Variants in EPB41L4A observed in about 807,000 individuals in gnomAD.
EPB41L4A encodes erythrocyte membrane protein band 4.1 like 4A.
A neutral mutation model predicts 108.6 loss-of-function variants in EPB41L4A; 100 were observed. The observed-to-expected ratio is 0.92, with a 90% CI of 0.78 to 1.09. EPB41L4A has a LOEUF of 1.09. Among genes scored for constraint, EPB41L4A ranks in the 50% least tolerant of loss-of-function variants. EPB41L4A has a pLI of 0.00. For synonymous variants in EPB41L4A, 319 were observed against 289.0 expected, an observed-to-expected ratio of 1.10 and a Z score of -1.05; for missense variants, 1,030 against 842.7, an observed-to-expected ratio of 1.22 and a Z score of -2.75.
chr5:112,238,519 A>G (rs1749527545), intron 11 of EPB41L4A, among the ~76,000 whole-genome samples: 1 of 152,234 alleles, frequency 6.6e-6, no homozygotes, highest in African/African-American at 2.4e-5. Flanking sequence ...CAAGACCCAA[A>G]AAGTGCATTA....
chr5:112,143,356 T>G (rs56092269), exon 14 of EPB41L4A: 27,631 of 152,288 alleles, frequency 0.18, 2,816 homozygotes, highest in African/African-American at 0.28. Context: ...TATAGTAGAT[T>G]CTTAATGGAT....
In EPB41L4A at chr5:112,353,196, C is replaced by G. The variant is rs1047306864; in HGVS notation, c.100-45706G>C. Among the ~76,000 whole-genome samples, 5 of 152,008 alleles carry G rather than the reference C, an allele frequency of 3.3e-5. No homozygotes were observed. In the East Asian group the frequency reaches 7.7e-4, roughly 24 times the overall value. Reference sequence around the variant, plus strand: ...ACACCAGCTAGACCAGTCCTCAGGCCTCAGCAGTGGCAGCAGTGAACCAAG... The same window carrying G: ...ACACCAGCTAGACCAGTCCTCAGGCGTCAGCAGTGGCAGCAGTGAACCAAG... On this transcript the variant is annotated intron_variant, in intron 1 of 22. Transcript: ENST00000261486.
Position 112,240,748 on chromosome 5 carries a change from C to T in EPB41L4A, c.858G>A (p.Lys286=), listed in dbSNP as rs767589386. Residue 286 remains lysine (K), a synonymous_variant, in exon 10 of 23, where the codon AAG becomes AAA. Transcript: ENST00000261486. ...AAAATGTATGATGTTCCACACTGCA[C>T]TTCCAGAGGTGCTTGCAAGCAGTTT... is the stretch of plus-strand genomic sequence containing the variant. ...RSKTACKHLW[K]CSVEHHTFFR... 1.9e-6 allele frequency: 3 copies of T among 1,583,706 alleles called. No homozygotes were observed. Among genetic ancestry groups the T allele is most frequent in the Middle Eastern group, 1.7e-4 (1 of 5,988 alleles).
intron 1 of EPB41L4A, among the ~76,000 whole-genome samples, chr5:112,413,340 A>G (rs1022775313): frequency 4.6e-5 from 7 of 152,206 alleles, no homozygotes; most frequent in African/African-American, 1.4e-4. Context: ...GAGTATCTTG[A>G]CAACAGATTT....
chr5:112,180,362 C>T (rs974754619), intron 18 of EPB41L4A, among the ~76,000 whole-genome samples: 10 of 152,098 alleles, frequency 6.6e-5, no homozygotes, highest in African/African-American at 2.4e-4. Context: ...ACCGAGACAA[C>T]ATGATGGCTT....
downstream of EPB41L4A, chr5:112,161,509 T>C (rs754912738): frequency 1.9e-6 from 1 of 519,212 alleles, no homozygotes; most frequent in Non-Finnish European, 3.8e-6. Flanking sequence ...CCATTCACTT[T>C]GGAAACTAGT....
At chr5:112,266,405 A>G in intron 4 of EPB41L4A, 75 bp from the exon 5 acceptor site, 2 of 984,442 alleles carry the variant, frequency 2.0e-6, no homozygotes, top group Non-Finnish European at 3.0e-6. Flanking sequence ...CCTGATAATC[A>G]AGGTTAACAA....
chr5:112,271,620 T>C (rs961929055), intron 4 of EPB41L4A, among the ~76,000 whole-genome samples: 5 of 152,206 alleles, frequency 3.3e-5, no homozygotes, highest in Non-Finnish European at 7.3e-5. Flanking sequence ...ATTATACTTA[T>C]CAAATCTGGA....
intron 12 of EPB41L4A, among the ~76,000 whole-genome samples, chr5:112,148,758 T>C (rs2112796552): frequency 6.6e-6 from 1 of 152,320 alleles, no homozygotes; most frequent in South Asian, 2.1e-4. Context: ...ATAGACATTA[T>C]TTTGCTTTTT....
At chr5:112,165,564 G>T (rs1760193086) in intron 22 of EPB41L4A, among the ~76,000 whole-genome samples, 1 of 152,158 alleles carries the variant, frequency 6.6e-6, no homozygotes, top group Non-Finnish European at 1.5e-5. Context: ...AAACAGGGCA[G>T]CTCATTACCA....
At chr5:112,170,474 CAG>C (rs1420951303) in intron 19 of EPB41L4A, 105 bp from the exon 20 acceptor site, 1 of 748,104 alleles carries the variant, frequency 1.3e-6, no homozygotes, top group Non-Finnish European at 2.2e-6. Context: ...TGTCCCAAAA[CAG>C]TGTTAGTAAA....
intron 9 of EPB41L4A, among the ~76,000 whole-genome samples, chr5:112,258,379 T>C (rs1561517451): frequency 6.6e-6 from 1 of 152,222 alleles, no homozygotes; most frequent in Non-Finnish European, 1.5e-5. Flanking sequence ...TTTACTTTTC[T>C]TTAATCAAGA....
At chr5:112,406,188 C>T (rs1435530245) in intron 1 of EPB41L4A, among the ~76,000 whole-genome samples, 1 of 152,160 alleles carries the variant, frequency 6.6e-6, no homozygotes, top group Non-Finnish European at 1.5e-5. Context: ...ACAAAATAAT[C>T]ATTATCAAGG....
At chr5:112,297,261 G>A (rs532988407) in intron 2 of EPB41L4A, among the ~76,000 whole-genome samples, 6 of 152,246 alleles carry the variant, frequency 3.9e-5, no homozygotes, top group African/African-American at 1.4e-4. Flanking sequence ...CACCAGCAGT[G>A]CAGAAGTGTT....
At chr5:112,242,534 G>A (rs982290172) in intron 9 of EPB41L4A, among the ~76,000 whole-genome samples, 2 of 152,058 alleles carry the variant, frequency 1.3e-5, no homozygotes, top group African/African-American at 4.8e-5. Flanking sequence ...TCATCGTGGG[G>A]GTAGAAATCA....
intron 1 of EPB41L4A, among the ~76,000 whole-genome samples, chr5:112,351,807 G>C (rs992905387): frequency 6.6e-6 from 1 of 152,120 alleles, no homozygotes; most frequent in Non-Finnish European, 1.5e-5. Flanking sequence ...TGATCAACTG[G>C]GGGGATTTCT....
intron 12 of EPB41L4A, among the ~76,000 whole-genome samples, chr5:112,212,507 C>A (rs568772986): frequency 1.3e-5 from 2 of 152,238 alleles, no homozygotes; most frequent in East Asian, 3.9e-4. Flanking sequence ...CTTGGCCAGG[C>A]TGGTCTGGAA....
chr5:112,270,773 A>G lies in EPB41L4A; in HGVS notation c.336-4443T>C, dbSNP rs80254081. 8.9e-4 allele frequency among the ~76,000 whole-genome samples: 136 copies of G among 152,288 alleles called. 2 individuals carry two copies. Among genetic ancestry groups the G allele is most frequent in the African/African-American group, 3.2e-3 (131 of 41,560 alleles). ...TGAGGAAGCCAAATAAAACAAACCC[A>G]TCTTCACCAAGGGAAGATTCTGGGT... On this transcript the variant is annotated intron_variant, in intron 4 of 22. Coordinates refer to ENST00000261486, the MANE Select transcript of EPB41L4A (RefSeq NM_022140.5).
intron 9 of EPB41L4A, among the ~76,000 whole-genome samples, chr5:112,257,698 AC>A (rs1751205089): frequency 6.6e-6 from 1 of 152,184 alleles, no homozygotes; most frequent in Non-Finnish European, 1.5e-5. Flanking sequence ...CACAAAAATA[AC>A]TTATAAGGAA....
Sources: allele counts gnomAD v4.1 joint callset (sites outside exome capture counted in the v4.1 genomes callset), GRCh38; gene constraint gnomAD v4.1.1; transcripts MANE v1.5; gene names NCBI Gene and HGNC (gene_info 2026-07-23, HGNC 2026-07-21).